MAML2: variants seen among roughly 807,000 people sequenced by gnomAD.
MAML2 encodes mastermind like transcriptional coactivator 2.
In MAML2, 22 loss-of-function variants were observed where a neutral mutation model predicts 96.1. The observed-to-expected ratio is 0.23, with a 90% CI of 0.16 to 0.33. The LOEUF is 0.33. Ranked by LOEUF, MAML2 falls within the 10% of genes least tolerant of loss-of-function variation. The probability of loss-of-function intolerance (pLI) is 1.00; values close to 1 mark genes in which losing one functional copy is unlikely to be tolerated. For synonymous variants in MAML2, 561 were observed against 521.3 expected, an observed-to-expected ratio of 1.08 and a Z score of -1.04; for missense variants, 1,367 against 1,392.4, an observed-to-expected ratio of 0.98 and a Z score of 0.29.
intron 2 of MAML2, among the ~76,000 whole-genome samples, chr11:96,047,507 T>A (rs1253353478): frequency 6.6e-6 from 1 of 152,204 alleles, no homozygotes; most frequent in Non-Finnish European, 1.5e-5. Flanking sequence ...TAAAATGCCT[T>A]GTCCATCTCT....
At chr11:96,205,371 TCATCCAA>T (rs1241764151) in intron 1 of MAML2, among the ~76,000 whole-genome samples, 16 of 152,258 alleles carry the variant, frequency 1.1e-4, no homozygotes, top group African/African-American at 3.4e-4. Flanking sequence ...ACTTGTTTAA[TCATCCAA>T]CATGCATTTA....
chr11:96,093,598 T>A (rs1859774583), intron 1 of MAML2, 81 bp from the exon 2 acceptor site: 2 of 1,042,756 alleles, frequency 1.9e-6, no homozygotes, highest in Non-Finnish European at 2.8e-6. Context: ...ATGTGATATT[T>A]AAATGTTTCT....
At chr11:96,221,744 A>G (rs1862142737) in intron 1 of MAML2, among the ~76,000 whole-genome samples, 1 of 139,766 alleles carries the variant, frequency 7.2e-6, no homozygotes. Flanking sequence ...GCACTTGAAA[A>G]TTTCCAAGCT....
At chr11:96,164,693 G>A (rs902655524) in intron 1 of MAML2, among the ~76,000 whole-genome samples, 8 of 152,122 alleles carry the variant, frequency 5.3e-5, no homozygotes, top group African/African-American at 1.4e-4. Flanking sequence ...CCACCCTATC[G>A]TGATCTCAAA....
Position 96,340,508 on chromosome 11 carries a change from C to T in MAML2, c.513+875G>A, listed in dbSNP as rs1565288801. Reference sequence around the variant, plus strand: ...CTGAGAATCAATGATCCAAGGGATACTCCTCTGGGATGGTGTGTGTCTGTG... The same window carrying T: ...CTGAGAATCAATGATCCAAGGGATATTCCTCTGGGATGGTGTGTGTCTGTG... On this transcript the variant is annotated intron_variant, in intron 1 of 4. Coordinates refer to ENST00000524717, the MANE Select transcript of MAML2 (RefSeq NM_032427.4). 1.3e-5 allele frequency among the ~76,000 whole-genome samples: 2 copies of T among 152,238 alleles called. 1 individual carries two copies. Among genetic ancestry groups the T allele is most frequent in the South Asian group, 4.1e-4 (2 of 4,832 alleles).
chr11:96,189,313 C>T (rs1006196772), intron 1 of MAML2, among the ~76,000 whole-genome samples: 9 of 152,170 alleles, frequency 5.9e-5, no homozygotes, highest in Admixed American at 3.3e-4. Context: ...GCACAAGTTT[C>T]GTGCTTATAA....
intron 2 of MAML2, among the ~76,000 whole-genome samples, chr11:96,050,441 G>A (rs1858973198): frequency 6.6e-6 from 1 of 152,192 alleles, no homozygotes; most frequent in African/African-American, 2.4e-5. Context: ...CAGGGACATT[G>A]GATGGGTTTT....
chr11:96,226,607 T>G (rs1242037863), intron 1 of MAML2, among the ~76,000 whole-genome samples: 1 of 152,226 alleles, frequency 6.6e-6, no homozygotes, highest in Non-Finnish European at 1.5e-5. Flanking sequence ...CAAGGAATAT[T>G]AAAATGTTTC....
At chr11:96,262,827 A>G (rs2135974429) in intron 1 of MAML2, among the ~76,000 whole-genome samples, 1 of 152,354 alleles carries the variant, frequency 6.6e-6, no homozygotes, top group East Asian at 1.9e-4. Context: ...TAAACATGGC[A>G]AGTGCCATAT....
intron 2 of MAML2, among the ~76,000 whole-genome samples, chr11:96,024,846 A>G (rs985447221): frequency 6.6e-6 from 1 of 152,136 alleles, no homozygotes; most frequent in East Asian, 1.9e-4. Context: ...AGCCCTCCAC[A>G]TGCAGCTCTG....
At chr11:96,320,493 C>G (rs934613652) in intron 1 of MAML2, among the ~76,000 whole-genome samples, 23 of 152,232 alleles carry the variant, frequency 1.5e-4, no homozygotes, top group Non-Finnish European at 1.8e-4. Context: ...AACATCCACT[C>G]TCATCTCTGA....
At chr11:96,325,349 C>A (rs1863761177) in intron 1 of MAML2, among the ~76,000 whole-genome samples, 1 of 152,014 alleles carries the variant, frequency 6.6e-6, no homozygotes, top group African/African-American at 2.4e-5. Flanking sequence ...TAGTAATACT[C>A]CAGAGAAGAA....
chr11:96,230,236 C>T (rs569432695), intron 1 of MAML2, among the ~76,000 whole-genome samples: 1 of 152,224 alleles, frequency 6.6e-6, no homozygotes, highest in East Asian at 1.9e-4. Context: ...ATGATGACAA[C>T]ATTTGTGCAA....
Position 96,093,042 on chromosome 11 carries a change from A to G in MAML2, c.989T>C (p.Ile330Thr). The G allele has an allele frequency of 6.2e-7, 1 of 1,613,996 alleles. No homozygotes were observed. The highest frequency in any genetic ancestry group is 8.5e-7 in the Non-Finnish European group (1 of 1,179,896). ...GTCATCCTGCTTTATGGTGGCATTG[A>G]TCATGTTCTCCAGTTCAAGGTCACT... Reference protein sequence around the residue: ...PMSDLELENMINATIKQDDPF... With the variant: ...PMSDLELENMTNATIKQDDPF... The change falls in exon 2 of 5, where the codon ATC becomes ACC. Residue 330 changes from isoleucine to threonine, a missense_variant. Transcript: ENST00000524717.
intron 1 of MAML2, among the ~76,000 whole-genome samples, chr11:96,310,988 T>C (rs1207445680): frequency 6.6e-6 from 1 of 152,224 alleles, no homozygotes; most frequent in African/African-American, 2.4e-5. Context: ...GAGTCCCAAC[T>C]ATGTCTAGGC....
At chr11:96,068,485 G>A (rs1032129659) in intron 2 of MAML2, among the ~76,000 whole-genome samples, 3 of 77,796 alleles carry the variant, frequency 3.9e-5, no homozygotes, top group African/African-American at 1.1e-4. Flanking sequence ...CACAGAGGGA[G>A]GGAGGGAGAG....
intron 1 of MAML2, among the ~76,000 whole-genome samples, chr11:96,280,778 C>T (rs1471053372): frequency 6.6e-6 from 1 of 152,184 alleles, no homozygotes; most frequent in Non-Finnish European, 1.5e-5. Context: ...AGTCCTTTCC[C>T]TCTGGTGTTG....
intron 2 of MAML2, among the ~76,000 whole-genome samples, chr11:96,079,196 T>C (rs1859495149): frequency 6.6e-6 from 1 of 152,230 alleles, no homozygotes; most frequent in Admixed American, 6.5e-5. Context: ...GAAATAACTA[T>C]TTTAGAATTT....
At chr11:96,329,562 C>T (rs1160240540) in intron 1 of MAML2, among the ~76,000 whole-genome samples, 1 of 152,192 alleles carries the variant, frequency 6.6e-6, no homozygotes, top group East Asian at 1.9e-4. Flanking sequence ...GTGATACAAG[C>T]CACATACCAA....
Sources: allele counts gnomAD v4.1 joint callset (sites outside exome capture counted in the v4.1 genomes callset), GRCh38; gene constraint gnomAD v4.1.1; transcripts MANE v1.5; gene names NCBI Gene and HGNC (gene_info 2026-07-23, HGNC 2026-07-21).